LPAR1: variants seen among roughly 807,000 people sequenced by gnomAD.
LPAR1 encodes LPA receptor 1.
In LPAR1, 5 loss-of-function variants were observed where a neutral mutation model predicts 23.8. The ratio of observed to expected loss-of-function variants is 0.21; its 90% CI spans 0.11 to 0.44. LPAR1 has a LOEUF of 0.44. Among genes scored for constraint, LPAR1 ranks in the 20% least tolerant of loss-of-function variants. The pLI, the probability that LPAR1 is intolerant of heterozygous loss-of-function variation, is 0.99. For synonymous variants in LPAR1, 160 were observed against 164.7 expected (o/e 0.97, Z 0.22); for missense variants, 311 against 482.8 (o/e 0.64, Z 3.33).
chr9:110,953,165 C>A (rs988022393), intron 4 of LPAR1, among the ~76,000 whole-genome samples: 1 of 152,198 alleles, frequency 6.6e-6, no homozygotes, highest in Non-Finnish European at 1.5e-5. Context: ...TACCCACATG[C>A]CTGGCCCACT....
intron 5 of LPAR1, among the ~76,000 whole-genome samples, chr9:110,898,899 T>C (rs2087537001): frequency 6.6e-6 from 1 of 152,250 alleles, no homozygotes; most frequent in Non-Finnish European, 1.5e-5. Context: ...GTGTTTTCAC[T>C]GCATTCGTGC....
chr9:110,913,242 C>T (rs978064913), intron 5 of LPAR1, among the ~76,000 whole-genome samples: 16 of 152,068 alleles, frequency 1.1e-4, no homozygotes, highest in African/African-American at 3.6e-4. Context: ...ATAACTGAGG[C>T]GTTGAGCTGT....
chr9:110,944,606 A>G (rs751381724), intron 4 of LPAR1, among the ~76,000 whole-genome samples: 60 of 152,326 alleles, frequency 3.9e-4, no homozygotes, highest in Middle Eastern at 3.4e-3. Flanking sequence ...TTAAGCAGAG[A>G]TATATGCAGC....
chr9:110,934,957 T>C (rs1010158526), intron 5 of LPAR1, among the ~76,000 whole-genome samples: 4 of 152,184 alleles, frequency 2.6e-5, no homozygotes, highest in East Asian at 3.8e-4. Context: ...AGGATGCTAA[T>C]ATATGTGAAA....
chr9:110,886,559 A>G (rs1536435), intron 5 of LPAR1, among the ~76,000 whole-genome samples: 86,740 of 152,020 alleles, frequency 0.57, 26,396 homozygotes, highest in African/African-American at 0.73. Flanking sequence ...CACATATAAC[A>G]CATAACATGC....
At chr9:110,956,618 T>C (rs1432711183) in intron 4 of LPAR1, among the ~76,000 whole-genome samples, 1 of 151,428 alleles carries the variant, frequency 6.6e-6, no homozygotes, top group Non-Finnish European at 1.5e-5. Flanking sequence ...GCAGTATAAC[T>C]GATACCATAG....
chr9:110,921,121 A>T (rs1422696273), intron 5 of LPAR1, among the ~76,000 whole-genome samples: 1 of 152,132 alleles, frequency 6.6e-6, no homozygotes, highest in Non-Finnish European at 1.5e-5. Context: ...GTGACAGAGC[A>T]AAACCCTGTT....
intron 2 of LPAR1, among the ~76,000 whole-genome samples, chr9:111,005,307 C>T (rs1027385664): frequency 1.3e-5 from 2 of 151,708 alleles, no homozygotes; most frequent in African/African-American, 4.8e-5. Context: ...GGCGTGACGG[C>T]TCATGCCTGT....
At chr9:111,003,072 G>C (rs1232966615) in intron 2 of LPAR1, among the ~76,000 whole-genome samples, 1 of 152,156 alleles carries the variant, frequency 6.6e-6, no homozygotes, top group Non-Finnish European at 1.5e-5. Context: ...AGATCATCAG[G>C]AGCCCATTTG....
intron 4 of LPAR1, among the ~76,000 whole-genome samples, chr9:110,964,511 T>C (rs1016185328): frequency 1.3e-5 from 2 of 152,186 alleles, no homozygotes; most frequent in Non-Finnish European, 2.9e-5. Context: ...GATCCTAAAA[T>C]ACTTCATCCC....
intron 2 of LPAR1, among the ~76,000 whole-genome samples, chr9:111,002,767 A>G (rs1038722176): frequency 2.6e-5 from 4 of 152,190 alleles, no homozygotes; most frequent in Admixed American, 2.0e-4. Context: ...CTTTCAGTAA[A>G]AGAGGAATGC....
chr9:110,996,814 C>A (rs1469138973), intron 2 of LPAR1, among the ~76,000 whole-genome samples: 1 of 152,190 alleles, frequency 6.6e-6, no homozygotes, highest in African/African-American at 2.4e-5. Flanking sequence ...CAAAGAACTA[C>A]CCCAGTTTCT....
At chr9:110,892,818 AAGGAAGGAAGGCAGGC>A (rs1399640708) in intron 5 of LPAR1, among the ~76,000 whole-genome samples, 1,270 of 96,868 alleles carry the variant, frequency 0.013, 17 homozygotes, top group African/African-American at 0.055. Context: ...GGAAGGAAGG[AAGGAAGGAAGGCAGGC>A]AGGCAGGCAG....
chr9:111,018,559 C>T (rs2097500451), intron 2 of LPAR1, among the ~76,000 whole-genome samples: 1 of 152,092 alleles, frequency 6.6e-6, no homozygotes, highest in African/African-American at 2.4e-5. Flanking sequence ...AGGATTCCAA[C>T]TAGATAAAAT....
intron 5 of LPAR1, among the ~76,000 whole-genome samples, chr9:110,888,824 A>G (rs1032843694): frequency 6.6e-6 from 1 of 152,214 alleles, no homozygotes; most frequent in Non-Finnish European, 1.5e-5. Context: ...TATGGCTAAC[A>G]GACTGGATAC....
chr9:110,891,834 A>G (rs1259379698), intron 5 of LPAR1, among the ~76,000 whole-genome samples: 1 of 152,232 alleles, frequency 6.6e-6, no homozygotes, highest in Admixed American at 6.5e-5. Flanking sequence ...TTAAATCCAC[A>G]ATGAGATACG....
At chr9:110,994,099 A>G (rs1304580968) in intron 2 of LPAR1, among the ~76,000 whole-genome samples, 4 of 152,172 alleles carry the variant, frequency 2.6e-5, no homozygotes, top group African/African-American at 2.4e-5. Context: ...AAATAACATC[A>G]CCAATAATGG....
intron 2 of LPAR1, among the ~76,000 whole-genome samples, chr9:110,989,339 G>A (rs1310864598): frequency 6.6e-6 from 1 of 152,154 alleles, no homozygotes; most frequent in East Asian, 1.9e-4. Flanking sequence ...ACATGCCACT[G>A]CTGCAGAACT....
chr9:111,028,736 G>A (rs61221131), intron 2 of LPAR1, among the ~76,000 whole-genome samples: 2,848 of 151,564 alleles, frequency 0.019, 87 homozygotes, highest in African/African-American at 0.066. Flanking sequence ...AAACCTTTAC[G>A]AGTTTCTCAA....
Sources: gnomAD v4.1 joint callset for allele counts (sites outside exome capture counted in the v4.1 genomes callset) on GRCh38, gnomAD v4.1.1 for gene constraint, MANE v1.5 for transcripts, NCBI Gene and HGNC (gene_info 2026-07-23, HGNC 2026-07-21) for gene names.